ZNF571: variants seen among roughly 807,000 people sequenced by gnomAD.
ZNF571 encodes the protein zinc finger protein 571.
ZNF571 carries 4 observed loss-of-function variants against 7.7 expected under a neutral mutation model. The observed-to-expected ratio is 0.52, with a 90% CI of 0.25 to 1.18. The LOEUF (loss-of-function observed/expected upper bound fraction) is 1.18, where lower values mean the gene tolerates loss of function less well. ZNF571 is among the 50% of genes most tolerant of loss of function. The pLI is 0.14. For synonymous variants in ZNF571, 251 were observed against 232.4 expected (o/e 1.08, Z -0.73); for missense variants, 704 against 726.9 (o/e 0.97, Z 0.36).
rs145957403 is a variant in ZNF571, at chr19:37,565,126, A to T, written c.1302T>A (p.Leu434=). 5.0e-6 allele frequency: 8 copies of T among 1,613,002 alleles called. No homozygotes were observed. In the African/African-American group the frequency reaches 1.1e-4, roughly 22 times the overall value. ...CTGTATGAATTCTCTGATGTTCACT[A>T]AGTTGTTTGCCACAAATAAAGGCCT... ...CGKAFICGKQ[L]SEHQRIHTGE... is the part of the protein sequence containing the mutation. The change falls in exon 4 of 4, where the codon CTT becomes CTA. Residue 434 remains leucine (L), a synonymous_variant. Coordinates refer to ENST00000451802, the MANE Select transcript of ZNF571 (RefSeq NM_016536.5).
chr19:37,571,724 A>T (rs879867570), intron 3 of ZNF571, among the ~76,000 whole-genome samples: 44 of 152,186 alleles, frequency 2.9e-4, no homozygotes, highest in Non-Finnish European at 4.8e-4. Context: ...TATGTTGAGG[A>T]GCATCTGTAC....
chr19:37,591,669 C>T (rs1418759348), intron 1 of ZNF571, among the ~76,000 whole-genome samples: 1 of 152,188 alleles, frequency 6.6e-6, no homozygotes, highest in East Asian at 1.9e-4. Context: ...CTCAGCCTCC[C>T]GAGTAGCTGG....
intron 3 of ZNF571, chr19:37,575,383 C>T (rs1277110884): frequency 6.6e-6 from 1 of 152,178 alleles, no homozygotes; most frequent in Non-Finnish European, 1.5e-5. Flanking sequence ...CCACATATGT[C>T]AGATTTACCA....
chr19:37,568,418 A>C (rs1435579518), intron 3 of ZNF571, among the ~76,000 whole-genome samples: 2 of 151,848 alleles, frequency 1.3e-5, no homozygotes, highest in East Asian at 3.9e-4. Flanking sequence ...TGTTTCTTTC[A>C]TAGAAGAACA....
At chr19:37,577,204 C>CAT (rs2043271982) in intron 3 of ZNF571, among the ~76,000 whole-genome samples, 1 of 152,146 alleles carries the variant, frequency 6.6e-6, no homozygotes, top group Non-Finnish European at 1.5e-5. Flanking sequence ...AACCTTTCAT[C>CAT]ACCCTCCTCA....
intron 2 of ZNF571, 114 bp from the exon 3 acceptor site, chr19:37,584,211 T>G: frequency 1.3e-6 from 2 of 1,506,880 alleles, no homozygotes; most frequent in Non-Finnish European, 9.0e-7. Context: ...AACAGGAAAT[T>G]GGTTGCCTAA....
chr19:37,593,266 T>C (rs2043920434), intron 1 of ZNF571, among the ~76,000 whole-genome samples: 1 of 152,170 alleles, frequency 6.6e-6, no homozygotes, highest in African/African-American at 2.4e-5. Flanking sequence ...TACAAAGGTA[T>C]TTACAAATGT....
chr19:37,578,036 T>C (rs2043305319), intron 3 of ZNF571, among the ~76,000 whole-genome samples: 1 of 152,050 alleles, frequency 6.6e-6, no homozygotes, highest in African/African-American at 2.4e-5. Flanking sequence ...TCGAACCCTA[T>C]AGTAAAGTGT....
rs1233032660 is a variant in ZNF571 at position 37,565,628 on chromosome 19, G to C, written c.800C>G (p.Thr267Ser). 6.2e-7 allele frequency: 1 copy of C among 1,613,340 alleles called. No homozygotes were observed. Among genetic ancestry groups the C allele is most frequent in the African/African-American group, 1.3e-5 (1 of 74,948 alleles). ...GKAFSYCSQY[T>S]LHQRIHSGEK... ...ACCACTATGAATTCTCTGATGAAGA[G>C]TATATTGTGAACAATAACTAAAGGC... Residue 267 changes from threonine (T) to serine (S), a missense_variant, in exon 4 of 4, where the codon ACT becomes AGT. Coordinates refer to ENST00000451802, the MANE Select transcript of ZNF571 (RefSeq NM_016536.5).
chr19:37,564,756 A>T lies in ZNF571; in HGVS notation c.1672T>A (p.Tyr558Asn), dbSNP rs1478750949. 4 of 1,613,698 alleles carry T rather than the reference A, an allele frequency of 2.5e-6. No individual in the cohort carries two copies. The African/African-American group carries it at 5.3e-5, about 22-fold the overall frequency. The change falls in exon 4 of 4, where the codon TAT becomes AAT. Residue 558 changes from tyrosine (Y) to asparagine (N), a missense_variant. Physicochemically the swap from Tyr to Asn is moderately radical, Grantham distance 143. Coordinates refer to ENST00000451802, the MANE Select transcript of ZNF571 (RefSeq NM_016536.5). ...GCCCTCCCACATTCCTTACATTCAT[A>T]GGGTTTCTCTCCAGTATGAGTTCTC... ...HLRTHTGEKP[Y>N]ECKECGRAFS...
intron 2 of ZNF571, 120 bp from the exon 3 acceptor site, chr19:37,584,217 C>T: frequency 7.0e-7 from 1 of 1,434,484 alleles, no homozygotes. Context: ...AAATTGGTTG[C>T]CTAAACAGTA....
intron 1 of ZNF571, among the ~76,000 whole-genome samples, chr19:37,587,958 G>C (rs1265676554): frequency 1.3e-5 from 2 of 151,922 alleles, no homozygotes; most frequent in Admixed American, 6.6e-5. Context: ...AAATTAGCCA[G>C]GCATGGTGGC....
intron 1 of ZNF571, among the ~76,000 whole-genome samples, chr19:37,589,427 C>T (rs774952819): frequency 2.7e-5 from 4 of 150,676 alleles, no homozygotes; most frequent in African/African-American, 2.4e-5. Context: ...TTTTAAAAAT[C>T]GAGGGAAAAC....
chr19:37,584,369 C>T (rs540974286), intron 2 of ZNF571, among the ~76,000 whole-genome samples: 6 of 152,144 alleles, frequency 3.9e-5, no homozygotes, highest in South Asian at 2.1e-4. Context: ...ATACTGCAAG[C>T]GTTTTCTTCA....
rs575285955 is a variant in ZNF571 at position 37,588,354 on chromosome 19, C to A, written c.-69-1609G>T. On this transcript the variant is annotated intron_variant, in intron 1 of 3. Coordinates refer to ENST00000451802, the MANE Select transcript of ZNF571 (RefSeq NM_016536.5). ...GAACAGAGATTTCAAAATACCACTC[C>A]TATCATTAAAATGTTGGATACTGTA... Among the ~76,000 whole-genome samples the A allele has an allele frequency of 2.6e-5, 4 of 152,210 alleles. No homozygotes were observed. The East Asian group carries it at 5.8e-4, about 22-fold the overall frequency.
In ZNF571 at chr19:37,586,644, A is replaced by G. The variant is rs369376481; in HGVS notation, c.9+24T>C. On this transcript the variant is annotated intron_variant, in intron 2 of 3. Coordinates refer to ENST00000451802, the MANE Select transcript of ZNF571 (RefSeq NM_016536.5). ...TACACAACAAAATGATTGTACTTCA[A>G]GAAGGAAAGAAACAGCAACTCACGT... 3 of 1,613,568 alleles carry G rather than the reference A, an allele frequency of 1.9e-6. No homozygotes were observed. The African/African-American group carries it at 4.0e-5, about 22-fold the overall frequency.
intron 3 of ZNF571, among the ~76,000 whole-genome samples, chr19:37,581,313 A>G (rs2043451031): frequency 6.6e-6 from 1 of 152,156 alleles, no homozygotes; most frequent in East Asian, 1.9e-4. Flanking sequence ...ATAATAATAC[A>G]TAATGTCAAA....
intron 3 of ZNF571, among the ~76,000 whole-genome samples, chr19:37,581,861 G>A (rs2147192712): frequency 6.6e-6 from 1 of 150,856 alleles, no homozygotes; most frequent in Non-Finnish European, 1.5e-5. Flanking sequence ...GCTGCAGGGT[G>A]AACCAGGAGA....
intron 2 of ZNF571, chr19:37,585,043 A>G (rs10412510): frequency 0.25 from 38,570 of 151,846 alleles, 5,585 homozygotes; most frequent in East Asian, 0.63. Flanking sequence ...GAGAGTATGC[A>G]TCTGGCATGT....
Sources: gnomAD v4.1 joint callset for allele counts (sites outside exome capture counted in the v4.1 genomes callset) on GRCh38, gnomAD v4.1.1 for gene constraint, MANE v1.5 for transcripts, NCBI Gene and HGNC (gene_info 2026-07-23, HGNC 2026-07-21) for gene names.